ITFG1: variants seen among roughly 807,000 people sequenced by gnomAD.
The protein encoded by ITFG1 is T-cell immunomodulatory protein.
Under a neutral mutation model 81.8 loss-of-function variants are expected in ITFG1, and 34 were observed. That is an observed-to-expected ratio of 0.42 (90% CI 0.32 to 0.55). The LOEUF (loss-of-function observed/expected upper bound fraction) is 0.55. ITFG1 is among the 20% of genes least tolerant of loss of function. The pLI is 0.17. For missense variants in ITFG1, 672 were observed against 755.4 expected, an observed-to-expected ratio of 0.89 and a Z score of 1.29; for synonymous variants, 285 against 270.6, an observed-to-expected ratio of 1.05 and a Z score of -0.52.
At chr16:47,256,890 A>T (rs972437951) in intron 12 of ITFG1, among the ~76,000 whole-genome samples, 3 of 152,220 alleles carry the variant, frequency 2.0e-5, no homozygotes, top group Non-Finnish European at 4.4e-5. Context: ...TGGTCACACA[A>T]ATCAACATGG....
At chr16:47,268,694 G>C (rs1482647361) in intron 10 of ITFG1, among the ~76,000 whole-genome samples, 6 of 152,128 alleles carry the variant, frequency 3.9e-5, no homozygotes, top group Non-Finnish European at 1.5e-5. Context: ...CCATGTCTCT[G>C]CTCTGTGATT....
intron 8 of ITFG1, among the ~76,000 whole-genome samples, chr16:47,354,851 C>T (rs1040421262): frequency 6.6e-6 from 1 of 151,986 alleles, no homozygotes; most frequent in Non-Finnish European, 1.5e-5. Flanking sequence ...ATATCTATCA[C>T]CTCACTCTAG....
At chr16:47,271,717 G>A (rs1966343256) in intron 10 of ITFG1, among the ~76,000 whole-genome samples, 1 of 152,290 alleles carries the variant, frequency 6.6e-6, no homozygotes, top group Middle Eastern at 3.4e-3. Flanking sequence ...CAATTAGCTG[G>A]GCGTGGTGGT....
At chr16:47,397,911 A>G (rs1274465061) in intron 6 of ITFG1, among the ~76,000 whole-genome samples, 2 of 152,230 alleles carry the variant, frequency 1.3e-5, no homozygotes, top group African/African-American at 4.8e-5. Context: ...GTCTTTGAGC[A>G]AATCAATGTT....
intron 6 of ITFG1, among the ~76,000 whole-genome samples, chr16:47,393,863 A>G (rs1209203097): frequency 1.3e-5 from 2 of 152,232 alleles, no homozygotes; most frequent in African/African-American, 4.8e-5. Context: ...GGGGTTGCCT[A>G]TAGGTAAACA....
intron 8 of ITFG1, among the ~76,000 whole-genome samples, chr16:47,328,772 A>C (rs1165391777): frequency 1.3e-5 from 2 of 152,160 alleles, no homozygotes; most frequent in African/African-American, 2.4e-5. Context: ...AAGAGATCAA[A>C]CTTTTTTCCG....
At chr16:47,351,928 T>G (rs949194089) in intron 8 of ITFG1, among the ~76,000 whole-genome samples, 1 of 151,508 alleles carries the variant, frequency 6.6e-6, no homozygotes, top group African/African-American at 2.4e-5. Context: ...CTATCTGATA[T>G]TTGATAAACC....
intron 13 of ITFG1, among the ~76,000 whole-genome samples, chr16:47,223,056 C>T (rs1965713212): frequency 6.6e-6 from 1 of 151,358 alleles, no homozygotes; most frequent in African/African-American, 2.4e-5. Flanking sequence ...AACTGGATCC[C>T]TTCCTTACAC....
chr16:47,440,321 C>T (rs1969229507), intron 5 of ITFG1, among the ~76,000 whole-genome samples: 1 of 152,198 alleles, frequency 6.6e-6, no homozygotes, highest in Admixed American at 6.5e-5. Flanking sequence ...GAACTCAGCT[C>T]TGCACCAAGC....
At chr16:47,457,862 A>C (rs910229433) in intron 2 of ITFG1, among the ~76,000 whole-genome samples, 1 of 152,184 alleles carries the variant, frequency 6.6e-6, no homozygotes, top group African/African-American at 2.4e-5. Flanking sequence ...CCCCACTCCA[A>C]GCATGCTGAC....
At chr16:47,405,980 T>C (rs1331735431) in intron 6 of ITFG1, among the ~76,000 whole-genome samples, 1 of 152,220 alleles carries the variant, frequency 6.6e-6, no homozygotes, top group Non-Finnish European at 1.5e-5. Context: ...TCCAGGAATA[T>C]ATGTGTGTAC....
intron 10 of ITFG1, among the ~76,000 whole-genome samples, chr16:47,278,716 T>C (rs937224630): frequency 6.6e-6 from 1 of 152,060 alleles, no homozygotes; most frequent in Admixed American, 6.6e-5. Context: ...GAAAAGCCAG[T>C]AGTGGCAATG....
intron 10 of ITFG1, among the ~76,000 whole-genome samples, chr16:47,286,667 G>C (rs1230321436): frequency 6.6e-6 from 1 of 151,972 alleles, no homozygotes; most frequent in Non-Finnish European, 1.5e-5. Flanking sequence ...AATTGCCAGA[G>C]AGTGTTAATA....
chr16:47,289,802 G>A (rs1262039425), intron 10 of ITFG1, among the ~76,000 whole-genome samples: 3 of 151,566 alleles, frequency 2.0e-5, no homozygotes, highest in African/African-American at 7.3e-5. Flanking sequence ...ATCAACTTTT[G>A]CTTCATTCAT....
rs754409484 is a variant in ITFG1 at position 47,238,024 on chromosome 16, C to T, written c.1331-16G>A. The stretch of plus-strand genomic sequence containing the variant: ...CCACTAAGAACTGTGGAAAAATAAA[C>T]AGGCAATTATTACTATTATAAGTTT... On this transcript the variant is annotated splice_polypyrimidine_tract_variant and intron_variant, in intron 12 of 17. Coordinates refer to ENST00000320640, the MANE Select transcript of ITFG1 (RefSeq NM_030790.5). 3 of 1,436,254 alleles carry T rather than the reference C, an allele frequency of 2.1e-6. No homozygotes were observed. The African/African-American group carries it at 4.5e-5, about 21-fold the overall frequency. The allele number at this position is 1,436,254 out of a possible 1,614,324, so 89.0% of individuals were successfully genotyped here. A position where few individuals can be genotyped will look rare whatever the true frequency, so the allele number is the denominator to read the frequency against.
intron 14 of ITFG1, among the ~76,000 whole-genome samples, chr16:47,184,415 C>T (rs1017642036): frequency 2.6e-5 from 4 of 152,188 alleles, no homozygotes; most frequent in Non-Finnish European, 2.9e-5. Context: ...GCCCATCAGA[C>T]TAACAGCAGA....
At chr16:47,187,508 G>T (rs1357640888) in intron 14 of ITFG1, among the ~76,000 whole-genome samples, 3 of 152,110 alleles carry the variant, frequency 2.0e-5, no homozygotes, top group Admixed American at 1.3e-4. Flanking sequence ...ACAAGCAATG[G>T]GGAAAGGATT....
intron 10 of ITFG1, among the ~76,000 whole-genome samples, chr16:47,288,697 G>A (rs1966879857): frequency 6.6e-6 from 1 of 151,960 alleles, no homozygotes; most frequent in Admixed American, 6.6e-5. Flanking sequence ...TCAGGAGTTC[G>A]AGACTAGCCT....
intron 10 of ITFG1, among the ~76,000 whole-genome samples, chr16:47,304,751 T>C (rs2151561288): frequency 6.6e-6 from 1 of 152,328 alleles, no homozygotes; most frequent in East Asian, 1.9e-4. Context: ...ACTAGTCTGA[T>C]TCATACAGAT....
Sources: allele counts gnomAD v4.1 joint callset (sites outside exome capture counted in the v4.1 genomes callset), GRCh38; gene constraint gnomAD v4.1.1; transcripts MANE v1.5; gene names NCBI Gene and HGNC (gene_info 2026-07-23, HGNC 2026-07-21).